The following GRID2 variants were observed in gnomAD, a reference collection of about 807,000 sequenced individuals.
GRID2 encodes glutamate ionotropic receptor delta type subunit 2, also known as glutamate receptor ionotropic, delta-2.
GRID2 carries 33 observed loss-of-function variants against 114.8 expected under a neutral mutation model. The observed-to-expected ratio is 0.29, with a 90% CI of 0.22 to 0.38. The LOEUF is 0.38. Among genes scored for constraint, GRID2 ranks in the 10% least tolerant of loss-of-function variants. The pLI is 1.00. For synonymous variants in GRID2, 505 were observed against 449.9 expected (o/e 1.12, Z -1.55); for missense variants, 1,184 against 1,257.7 (o/e 0.94, Z 0.89).
intron 8 of GRID2, among the ~76,000 whole-genome samples, chr4:93,287,794 C>T (rs1477089168): frequency 2.0e-5 from 3 of 152,128 alleles, no homozygotes; most frequent in African/African-American, 7.2e-5. Flanking sequence ...GATAATTGTT[C>T]TGATACTGTA....
intron 2 of GRID2, among the ~76,000 whole-genome samples, chr4:92,832,767 A>G (rs1742204495): frequency 6.6e-6 from 1 of 152,066 alleles, no homozygotes; most frequent in African/African-American, 2.4e-5. Context: ...AGCCTGGACA[A>G]CAGAGACTCT....
chr4:92,545,773 A>G (rs543973781), intron 1 of GRID2, among the ~76,000 whole-genome samples: 8 of 152,106 alleles, frequency 5.3e-5, no homozygotes, highest in African/African-American at 7.2e-5. Context: ...CACTCATTTC[A>G]TCTATTTATG....
chr4:93,590,234 A>G (rs1012828733), intron 13 of GRID2, among the ~76,000 whole-genome samples: 3 of 150,608 alleles, frequency 2.0e-5, no homozygotes, highest in African/African-American at 7.3e-5. Flanking sequence ...TTTTTGTATA[A>G]GGCGTAAGGA....
intron 1 of GRID2, among the ~76,000 whole-genome samples, chr4:92,311,832 GCTTTTAGT>G (rs1168682333): frequency 6.6e-6 from 1 of 151,884 alleles, no homozygotes; most frequent in Non-Finnish European, 1.5e-5. Flanking sequence ...ATGAAGCATT[GCTTTTAGT>G]CTCTAAAATT....
intron 2 of GRID2, among the ~76,000 whole-genome samples, chr4:93,058,052 C>T (rs1727428453): frequency 6.6e-6 from 1 of 151,696 alleles, no homozygotes; most frequent in Non-Finnish European, 1.5e-5. Context: ...CAATTTTCCC[C>T]AAAATAAAGA....
At chr4:93,133,451 TCTTA>T (rs973877456) in intron 4 of GRID2, among the ~76,000 whole-genome samples, 2 of 152,208 alleles carry the variant, frequency 1.3e-5, no homozygotes, top group African/African-American at 2.4e-5. Context: ...CTCATTACTA[TCTTA>T]CTTTTTTAAG....
chr4:92,365,283 G>T (rs910916170), intron 1 of GRID2, among the ~76,000 whole-genome samples: 1 of 152,030 alleles, frequency 6.6e-6, no homozygotes, highest in South Asian at 2.1e-4. Flanking sequence ...TATACATAGT[G>T]AAATATCATG....
intron 1 of GRID2, among the ~76,000 whole-genome samples, chr4:92,447,601 A>G (rs1229836135): frequency 1.3e-5 from 2 of 152,242 alleles, no homozygotes; most frequent in Non-Finnish European, 2.9e-5. Flanking sequence ...AGAACAAAAT[A>G]TCATAAACTC....
chr4:92,495,860 C>G (rs112409628), intron 1 of GRID2, among the ~76,000 whole-genome samples: 1 of 151,832 alleles, frequency 6.6e-6, no homozygotes, highest in Non-Finnish European at 1.5e-5. Flanking sequence ...CTATGCTTCT[C>G]TAGTGAGATC....
At chr4:93,315,210 T>A (rs1044134810) in intron 8 of GRID2, among the ~76,000 whole-genome samples, 4 of 152,130 alleles carry the variant, frequency 2.6e-5, no homozygotes, top group Admixed American at 2.6e-4. Flanking sequence ...ACTGCCCCCA[T>A]AATCCATAAT....
chr4:93,626,692 T>C (rs1742764962), intron 14 of GRID2, among the ~76,000 whole-genome samples: 1 of 152,168 alleles, frequency 6.6e-6, no homozygotes, highest in Non-Finnish European at 1.5e-5. Context: ...AAAATTGACA[T>C]GGAAAAGAAA....
chr4:93,372,260 A>G (rs1763001169), intron 8 of GRID2, among the ~76,000 whole-genome samples: 2 of 152,184 alleles, frequency 1.3e-5, no homozygotes, highest in Non-Finnish European at 2.9e-5. Context: ...TTCACACCAC[A>G]AAGTTAATTT....
At chr4:93,779,960 C>T (rs536324700) in intron 1 of GRID2, among the ~76,000 whole-genome samples, 33 of 152,128 alleles carry the variant, frequency 2.2e-4, no homozygotes, top group Non-Finnish European at 3.5e-4. Context: ...ATATGTTTAC[C>T]CAGGCCCTGC....
chr4:93,603,689 T>A (rs1031493052), intron 13 of GRID2, among the ~76,000 whole-genome samples: 6 of 152,188 alleles, frequency 3.9e-5, no homozygotes, highest in Non-Finnish European at 8.8e-5. Context: ...CTGACTCTTG[T>A]TAGGGCCTAA....
At chr4:93,490,241 A>G (rs1289782777) in intron 11 of GRID2, among the ~76,000 whole-genome samples, 2 of 151,920 alleles carry the variant, frequency 1.3e-5, no homozygotes, top group Non-Finnish European at 1.5e-5. Context: ...AATCCTTTCA[A>G]TATTATTTAT....
chr4:93,029,145 A>G (rs1724155099), intron 2 of GRID2, among the ~76,000 whole-genome samples: 1 of 152,010 alleles, frequency 6.6e-6, no homozygotes, highest in African/African-American at 2.4e-5. Context: ...TAAATTATAA[A>G]CTCTCCAAGG....
chr4:93,238,619 A>AG (rs940894625), intron 8 of GRID2, 129 bp downstream of exon 8: 7 of 532,252 alleles, frequency 1.3e-5, no homozygotes, highest in African/African-American at 4.1e-5. Flanking sequence ...GCAGGGGGTG[A>AG]GGGGAAATTA....
At chr4:92,746,711 G>C (rs936054062) in intron 2 of GRID2, among the ~76,000 whole-genome samples, 2 of 151,924 alleles carry the variant, frequency 1.3e-5, no homozygotes, top group African/African-American at 4.8e-5. Context: ...CTTACCTTCT[G>C]TATTTCTAGT....
intron 2 of GRID2, among the ~76,000 whole-genome samples, chr4:93,000,264 C>A (rs1755457440): frequency 6.6e-6 from 1 of 151,532 alleles, no homozygotes; most frequent in Non-Finnish European, 1.5e-5. Flanking sequence ...TCATCAAAGA[C>A]ACTATTAGCC....
Sources: gnomAD v4.1 joint callset for allele counts (sites outside exome capture counted in the v4.1 genomes callset) on GRCh38, gnomAD v4.1.1 for gene constraint, MANE v1.5 for transcripts, NCBI Gene and HGNC (gene_info 2026-07-23, HGNC 2026-07-21) for gene names.